ADGRL3: variants seen among roughly 807,000 people sequenced by gnomAD.
ADGRL3 encodes the protein adhesion G protein-coupled receptor L3.
A neutral mutation model predicts 153.5 loss-of-function variants in ADGRL3; 62 were observed. That is an observed-to-expected ratio of 0.40 (90% CI 0.33 to 0.50). The LOEUF (loss-of-function observed/expected upper bound fraction) is 0.50, where lower values mean the gene tolerates loss of function less well. Ranked by LOEUF, ADGRL3 falls within the 20% of genes least tolerant of loss-of-function variation. The pLI, the probability that ADGRL3 is intolerant of heterozygous loss-of-function variation, is 0.47. For synonymous variants in ADGRL3, 710 were observed against 672.5 expected (o/e 1.06, Z -0.86); for missense variants, 1,641 against 1,859.4 (o/e 0.88, Z 2.16).
chr4:61,276,495 T>C (rs2149892405), intron 1 of ADGRL3, among the ~76,000 whole-genome samples: 1 of 152,308 alleles, frequency 6.6e-6, no homozygotes, highest in Middle Eastern at 3.4e-3. Context: ...ACATTTATTC[T>C]TTGTTTTGGC....
chr4:61,663,408 G>A (rs1580160888), intron 5 of ADGRL3, among the ~76,000 whole-genome samples: 2 of 152,342 alleles, frequency 1.3e-5, no homozygotes, highest in South Asian at 4.1e-4. Flanking sequence ...TCCAGCCACA[G>A]CCTCGCTGGG....
chr4:61,407,696 G>A (rs981480378), intron 2 of ADGRL3, among the ~76,000 whole-genome samples: 13 of 152,154 alleles, frequency 8.5e-5, no homozygotes, highest in African/African-American at 2.7e-4. Flanking sequence ...AATCCCAAGA[G>A]ACGAGGGAGA....
chr4:61,445,125 C>T (rs1238627084), intron 2 of ADGRL3, among the ~76,000 whole-genome samples: 1 of 152,016 alleles, frequency 6.6e-6, no homozygotes, highest in Non-Finnish European at 1.5e-5. Context: ...TCCATTATTT[C>T]AGATACTCTC....
chr4:62,055,002 T>G (rs73207515), intron 25 of ADGRL3, among the ~76,000 whole-genome samples: 1 of 151,646 alleles, frequency 6.6e-6, no homozygotes, highest in Non-Finnish European at 1.5e-5. Flanking sequence ...ATAAGTGCAC[T>G]GTTCATGGGA....
chr4:61,865,450 T>C (rs1581205859), intron 9 of ADGRL3, among the ~76,000 whole-genome samples: 2 of 152,154 alleles, frequency 1.3e-5, no homozygotes, highest in East Asian at 3.9e-4. Flanking sequence ...AATAAGCACA[T>C]TCAATAAGGA....
intron 1 of ADGRL3, among the ~76,000 whole-genome samples, chr4:61,380,623 C>T (rs1212324301): frequency 6.6e-6 from 1 of 151,920 alleles, no homozygotes; most frequent in Non-Finnish European, 1.5e-5. Context: ...CCATCTAATT[C>T]TCAAGACCTA....
chr4:61,244,886 TTGCTTATTGTA>T (rs549082654), intron 1 of ADGRL3, among the ~76,000 whole-genome samples: 995 of 6,046 alleles, frequency 0.16, 11 homozygotes, highest in Non-Finnish European at 0.34. Context: ...CCACTCATCT[TTGCTTATTGTA>T]TGCTATATTG....
chr4:61,471,054 T>C (rs1263282359), intron 2 of ADGRL3, among the ~76,000 whole-genome samples: 1 of 151,872 alleles, frequency 6.6e-6, no homozygotes, highest in Non-Finnish European at 1.5e-5. Flanking sequence ...CCCTGAACAA[T>C]GTCTTTTTAA....
At chr4:61,830,814 AAGG>A (rs2097859674) in intron 9 of ADGRL3, among the ~76,000 whole-genome samples, 2 of 152,194 alleles carry the variant, frequency 1.3e-5, no homozygotes, top group African/African-American at 4.8e-5. Context: ...AGATGCCAAA[AAGG>A]AGATCGTGTC....
intron 5 of ADGRL3, among the ~76,000 whole-genome samples, chr4:61,651,698 C>G (rs2094258941): frequency 6.6e-6 from 1 of 151,672 alleles, no homozygotes; most frequent in African/African-American, 2.4e-5. Flanking sequence ...ACCCCCGCCT[C>G]CTGTGTTCAA....
At chr4:61,577,403 T>C (rs1175716191) in intron 4 of ADGRL3, among the ~76,000 whole-genome samples, 1 of 152,092 alleles carries the variant, frequency 6.6e-6, no homozygotes, top group Admixed American at 6.6e-5. Context: ...TCACTAAGTT[T>C]CTTCTGTTAA....
intron 2 of ADGRL3, among the ~76,000 whole-genome samples, chr4:61,441,707 A>G (rs1048381858): frequency 1.3e-5 from 2 of 152,046 alleles, no homozygotes; most frequent in African/African-American, 2.4e-5. Context: ...AAACTTGCCT[A>G]TTAAAATATG....
intron 4 of ADGRL3, among the ~76,000 whole-genome samples, chr4:61,575,946 G>A (rs1185695061): frequency 6.6e-6 from 1 of 151,940 alleles, no homozygotes; most frequent in Non-Finnish European, 1.5e-5. Context: ...GGTATATTTT[G>A]TGGTTGAGCT....
At position 61,983,383 on chromosome 4, in the gene ADGRL3, A is replaced by G. The variant is rs372437409; in HGVS notation, c.3016A>G (p.Ile1006Val). 6 of 1,612,512 alleles carry G rather than the reference A, an allele frequency of 3.7e-6. No individual in the cohort carries two copies. In the East Asian group the frequency reaches 1.1e-4, roughly 30 times the overall value. ...CTAAATCATTTGTTCCTTTTCCTAG[A>G]TTGCCTGTGCTGTTTTCGCTGCCCT... ...LIGINRTDQP[I>V]ACAVFAALLH... is the part of the protein sequence containing the mutation. Residue 1006 changes from isoleucine to valine, a missense_variant and splice_region_variant, in exon 19 of 27, where the codon ATT becomes GTT. Physicochemically the swap from Ile to Val is conservative, Grantham distance 29 (BLOSUM62 3). Coordinates refer to ENST00000683033, the MANE Select transcript of ADGRL3 (RefSeq NM_001387552.1).
At chr4:61,797,057 C>A (rs2097423765) in intron 8 of ADGRL3, among the ~76,000 whole-genome samples, 1 of 152,138 alleles carries the variant, frequency 6.6e-6, no homozygotes, top group Non-Finnish European at 1.5e-5. Flanking sequence ...AGGCATAGCA[C>A]CCCTTTACTT....
chr4:61,714,569 G>A (rs1173536662), intron 6 of ADGRL3, among the ~76,000 whole-genome samples: 2 of 152,112 alleles, frequency 1.3e-5, no homozygotes, highest in African/African-American at 4.8e-5. Context: ...CTCCATGCCA[G>A]TGGCTTGCTT....
At chr4:61,404,174 A>C (rs1043113898) in intron 2 of ADGRL3, among the ~76,000 whole-genome samples, 4 of 152,110 alleles carry the variant, frequency 2.6e-5, no homozygotes, top group Admixed American at 1.3e-4. Context: ...AACTAGAATA[A>C]TTGCACTAAC....
intron 17 of ADGRL3, among the ~76,000 whole-genome samples, chr4:61,948,651 A>T (rs1488897622): frequency 1.3e-5 from 2 of 152,154 alleles, no homozygotes; most frequent in Non-Finnish European, 2.9e-5. Flanking sequence ...AGAGCTATGC[A>T]TAGGTTAAAT....
At chr4:61,630,693 C>T (rs184830129) in intron 5 of ADGRL3, among the ~76,000 whole-genome samples, 8 of 152,276 alleles carry the variant, frequency 5.3e-5, no homozygotes, top group Non-Finnish European at 7.3e-5. Context: ...TAGCCAGATA[C>T]TGGGAAAGAA....
Sources: gnomAD v4.1 joint callset for allele counts (sites outside exome capture counted in the v4.1 genomes callset) on GRCh38, gnomAD v4.1.1 for gene constraint, MANE v1.5 for transcripts, NCBI Gene and HGNC (gene_info 2026-07-23, HGNC 2026-07-21) for gene names.